ZNF708: variants seen among roughly 807,000 people sequenced by gnomAD.
ZNF708 encodes ZNF15, ZNF15L1.
In ZNF708, 44 loss-of-function variants were observed where a neutral mutation model predicts 47.0. The observed-to-expected ratio is 0.94, with a 90% CI of 0.74 to 1.20. ZNF708 has a LOEUF of 1.20. ZNF708 is among the 50% of genes most tolerant of loss of function. ZNF708 has a pLI of 0.00. For missense variants in ZNF708, 557 were observed against 656.0 expected, an observed-to-expected ratio of 0.85 and a Z score of 1.65; for synonymous variants, 184 against 218.5, an observed-to-expected ratio of 0.84 and a Z score of 1.39.
At chr19:21,329,186 C>G (rs773610393) in intron 1 of ZNF708, 24 bp downstream of exon 1, 11 of 1,611,906 alleles carry the variant, frequency 6.8e-6, no homozygotes, top group Non-Finnish European at 8.5e-6. Flanking sequence ...TCCCCTCTCT[C>G]GGGATGTCGG....
intron 1 of ZNF708, among the ~76,000 whole-genome samples, chr19:21,322,448 C>T (rs942922691): frequency 4.6e-5 from 7 of 152,030 alleles, no homozygotes; most frequent in African/African-American, 1.4e-4. Flanking sequence ...ATTACAAGAA[C>T]GCACCACCAT....
Position 21,294,594 on chromosome 19 carries a change from ACCT to A in ZNF708, c.369_371del (p.Gly124del), listed in dbSNP as rs936867266. On this transcript the variant is annotated inframe_deletion, in exon 4 of 4. Coordinates refer to ENST00000356929, the MANE Select transcript of ZNF708 (RefSeq NM_021269.3). ...TCACACACCGGTTAAGTCCCTTGTG[ACCT>A]CCTTTGTGCAACTTATGCTCATCCA... 1.2e-6 allele frequency: 2 copies of A among 1,613,910 alleles called. No individual in the cohort carries two copies. Among genetic ancestry groups the A allele is most frequent in the African/African-American group, 1.3e-5 (1 of 74,954 alleles).
intron 3 of ZNF708, among the ~76,000 whole-genome samples, chr19:21,297,270 A>T (rs867949736): frequency 2.1e-3 from 99 of 46,682 alleles, no homozygotes; most frequent in South Asian, 4.8e-3. Context: ...ATATATATAT[A>T]TTTTTTTTTT....
chr19:21,299,731 CCA>C (rs1040594534), intron 3 of ZNF708, among the ~76,000 whole-genome samples: 5 of 150,472 alleles, frequency 3.3e-5, no homozygotes, highest in African/African-American at 1.2e-4. Context: ...CAAGATCACA[CCA>C]CTGCACTCCA....
At chr19:21,325,016 G>A (rs1973227673) in intron 1 of ZNF708, among the ~76,000 whole-genome samples, 1 of 151,786 alleles carries the variant, frequency 6.6e-6, no homozygotes, top group African/African-American at 2.4e-5. Context: ...AAATTTTATT[G>A]GAAATTACCA....
At chr19:21,327,380 A>C (rs1244194778) in intron 1 of ZNF708, among the ~76,000 whole-genome samples, 2 of 151,912 alleles carry the variant, frequency 1.3e-5, no homozygotes, top group African/African-American at 4.8e-5. Context: ...AAATACAAAA[A>C]CATTAGCTGG....
Position 21,293,899 on chromosome 19 carries a change from A to G in ZNF708, c.1067T>C (p.Ile356Thr). The G allele has an allele frequency of 1.9e-6, 3 of 1,612,660 alleles. No individual in the cohort carries two copies. The highest frequency in any genetic ancestry group is 2.5e-6 in the Non-Finnish European group (3 of 1,179,626). ...SVFSTLTKHK[I>T]IHTEEKPYKC... ...GTAGGGTTTCTCTTCAGTATGAATT[A>G]TCTTATGTTTAGTAAGGGTTGAAAA... The change falls in exon 4 of 4, where the codon ATA becomes ACA. Residue 356 changes from isoleucine (I) to threonine (T), a missense_variant. Physicochemically the swap from Ile to Thr is moderately conservative, Grantham distance 89 (BLOSUM62 -1). Coordinates refer to ENST00000356929, the MANE Select transcript of ZNF708 (RefSeq NM_021269.3).
Position 21,329,390 on chromosome 19 carries a change from G to C in ZNF708, c.-178C>G, listed in dbSNP as rs1269816462. 7.9e-6 allele frequency: 7 copies of C among 887,700 alleles called. No individual in the cohort carries two copies. Among genetic ancestry groups the C allele is most frequent in the African/African-American group, 1.7e-5 (1 of 59,040 alleles). The allele number at this position is 887,700 out of a possible 1,614,324, so 55.0% of individuals were successfully genotyped here. ...GCCAAACCCGGAAGCCGCCCTGTCC[G>C]GTCCAGCTGCGTGTCTGAGTGAACT... On this transcript the variant is annotated 5_prime_UTR_variant, in exon 1 of 4. Coordinates refer to ENST00000356929, the MANE Select transcript of ZNF708 (RefSeq NM_021269.3).
chr19:21,319,877 G>A (rs1973092280), intron 1 of ZNF708, among the ~76,000 whole-genome samples: 3 of 152,250 alleles, frequency 2.0e-5, no homozygotes, highest in Middle Eastern at 3.4e-3. Context: ...TTCAACCACT[G>A]TAAAAAGCAG....
At chr19:21,317,819 A>G (rs1374645913) in intron 1 of ZNF708, among the ~76,000 whole-genome samples, 1 of 152,224 alleles carries the variant, frequency 6.6e-6, no homozygotes, top group Non-Finnish European at 1.5e-5. Flanking sequence ...GGTTATAATC[A>G]ATGACAAAAT....
rs1972399787 is a variant in ZNF708 at position 21,291,790 on chromosome 19, A to C, written c.*1484T>G. Reference sequence around the variant, plus strand: ...TGAGGCAGGAGAATTGCTTGAACCCAGGAGGCAGAGGTTGCAGCGAGCTGA... The same window carrying C: ...TGAGGCAGGAGAATTGCTTGAACCCCGGAGGCAGAGGTTGCAGCGAGCTGA... On this transcript the variant is annotated 3_prime_UTR_variant, in exon 4 of 4. Coordinates refer to ENST00000356929, the MANE Select transcript of ZNF708 (RefSeq NM_021269.3). 6.6e-6 allele frequency: 1 copy of C among 152,146 alleles called. No homozygotes were observed. Among genetic ancestry groups the C allele is most frequent in the Non-Finnish European group, 1.5e-5 (1 of 68,146 alleles). The allele number at this position is 152,146 out of a possible 1,614,324, so 9.4% of individuals were successfully genotyped here.
chr19:21,304,758 C>A (rs1278340736), intron 3 of ZNF708, among the ~76,000 whole-genome samples: 1 of 152,068 alleles, frequency 6.6e-6, no homozygotes, highest in African/African-American at 2.4e-5. Flanking sequence ...TTTCTGTAGT[C>A]CCAGCTCAAA....
At chr19:21,316,133 CTT>C (rs544312163) in intron 1 of ZNF708, among the ~76,000 whole-genome samples, 22 of 105,494 alleles carry the variant, frequency 2.1e-4, no homozygotes, top group Non-Finnish European at 1.9e-4. Context: ...TTTCTTTTTT[CTT>C]TTTTTTTTTT....
chr19:21,313,287 C>CAAAA (rs34027483), intron 1 of ZNF708, among the ~76,000 whole-genome samples: 1 of 89,852 alleles, frequency 1.1e-5, no homozygotes, highest in African/African-American at 4.8e-5. Flanking sequence ...GACCCTGTCT[C>CAAAA]AAAAAAAAAA....
chr19:21,306,732 C>T (rs1379170230), intron 3 of ZNF708: 1 of 151,998 alleles, frequency 6.6e-6, no homozygotes, highest in African/African-American at 2.4e-5. Context: ...ATCACAAGGT[C>T]GAGAATTCGA....
chr19:21,328,002 T>G, intron 1 of ZNF708: 1 of 1,001,066 alleles, frequency 1.0e-6, no homozygotes, highest in East Asian at 1.0e-4. Context: ...GGAGCTGATA[T>G]TCACTAGACA....
intron 1 of ZNF708, among the ~76,000 whole-genome samples, chr19:21,320,543 A>T (rs998106493): frequency 6.6e-6 from 1 of 151,646 alleles, no homozygotes. Context: ...AAAAAGAAAC[A>T]TTAGACAGGC....
rs756014973 is a variant in ZNF708, at chr19:21,293,903, T to G, written c.1063A>C (p.Lys355Gln). 51 of 1,613,254 alleles carry G rather than the reference T, an allele frequency of 3.2e-5. No individual in the cohort carries two copies. Among genetic ancestry groups the G allele is most frequent in the Non-Finnish European group, 4.2e-5 (50 of 1,179,786 alleles). The change falls in exon 4 of 4, where the codon AAG (lysine) becomes CAG (glutamine). Residue 355 changes from lysine to glutamine, a missense_variant. Transcript: ENST00000356929. ...GGTTTCTCTTCAGTATGAATTATCTTATGTTTAGTAAGGGTTGAAAATACA... is the reference window on the plus strand; with the variant it reads ...GGTTTCTCTTCAGTATGAATTATCTGATGTTTAGTAAGGGTTGAAAATACA... ...FSVFSTLTKH[K>Q]IIHTEEKPYK...
chr19:21,304,740 G>T (rs1434586303), intron 3 of ZNF708, among the ~76,000 whole-genome samples: 1 of 152,152 alleles, frequency 6.6e-6, no homozygotes, highest in African/African-American at 2.4e-5. Flanking sequence ...ACCAGGGGTA[G>T]TAGTGCATTT....
Sources: gnomAD v4.1 joint callset for allele counts (sites outside exome capture counted in the v4.1 genomes callset) on GRCh38, gnomAD v4.1.1 for gene constraint, MANE v1.5 for transcripts, NCBI Gene and HGNC (gene_info 2026-07-23, HGNC 2026-07-21) for gene names.